PRKG1: variants seen among roughly 807,000 people sequenced by gnomAD.
PRKG1 encodes the protein protein kinase cGMP-dependent 1.
A neutral mutation model predicts 88.1 loss-of-function variants in PRKG1; 35 were observed. The observed-to-expected ratio is 0.40, with a 90% CI of 0.30 to 0.53. The LOEUF (loss-of-function observed/expected upper bound fraction) is 0.53, where lower values mean the gene tolerates loss of function less well. PRKG1 is among the 20% of genes least tolerant of loss of function. PRKG1 has a pLI of 0.59. For missense variants in PRKG1, 540 were observed against 839.8 expected, an observed-to-expected ratio of 0.64 and a Z score of 4.41; for synonymous variants, 303 against 292.5, an observed-to-expected ratio of 1.04 and a Z score of -0.37.
chr10:51,303,972 A>G (rs370442406), intron 2 of PRKG1, among the ~76,000 whole-genome samples: 1 of 151,730 alleles, frequency 6.6e-6, no homozygotes, highest in East Asian at 1.9e-4. Context: ...GGCACCCACC[A>G]CCATGCCCAG....
intron 2 of PRKG1, among the ~76,000 whole-genome samples, chr10:51,441,755 G>A (rs1588961398): frequency 6.6e-6 from 1 of 151,898 alleles, no homozygotes; most frequent in African/African-American, 2.4e-5. Context: ...ATAACCTTGA[G>A]TGTCTATTTC....
chr10:52,156,621 T>A (rs1335325187), intron 8 of PRKG1, among the ~76,000 whole-genome samples: 1 of 151,808 alleles, frequency 6.6e-6, no homozygotes, highest in Admixed American at 6.6e-5. Flanking sequence ...GAAACATATA[T>A]TCACATGATA....
rs1017525707 is a variant in PRKG1, at chr10:51,744,797, C to A, written c.593-59788C>A. Among the ~76,000 whole-genome samples the A allele has an allele frequency of 3.3e-5, 5 of 152,146 alleles. No individual in the cohort carries two copies. In the South Asian group the frequency reaches 6.2e-4, roughly 19 times the overall value. Reference sequence around the variant, plus strand: ...CATGGGTCTTCCAGTTGTCTCCCAGCTGAACATGTTTGGTGGCTAATACAA... The same window carrying A: ...CATGGGTCTTCCAGTTGTCTCCCAGATGAACATGTTTGGTGGCTAATACAA... On this transcript the variant is annotated intron_variant, in intron 3 of 17. Transcript: ENST00000373980.
intron 5 of PRKG1, among the ~76,000 whole-genome samples, chr10:51,995,453 A>T (rs1031074538): frequency 2.0e-5 from 3 of 152,254 alleles, no homozygotes; most frequent in Non-Finnish European, 4.4e-5. Context: ...AAATATTGAC[A>T]TATAAGATAG....
intron 3 of PRKG1, among the ~76,000 whole-genome samples, chr10:51,574,773 T>C (rs923559645): frequency 6.6e-6 from 1 of 151,978 alleles, no homozygotes; most frequent in African/African-American, 2.4e-5. Flanking sequence ...AAACAGACTT[T>C]ATAGCCTTCT....
chr10:51,228,306 G>A (rs1250579069), intron 2 of PRKG1, among the ~76,000 whole-genome samples: 1 of 152,114 alleles, frequency 6.6e-6, no homozygotes, highest in Non-Finnish European at 1.5e-5. Flanking sequence ...TGAGGTTATG[G>A]GGCAAGTGAC....
intron 3 of PRKG1, among the ~76,000 whole-genome samples, chr10:51,612,467 G>T (rs1455504437): frequency 2.0e-5 from 3 of 151,744 alleles, no homozygotes; most frequent in Non-Finnish European, 2.9e-5. Flanking sequence ...ACTGACTTTT[G>T]TATGTTGATT....
At chr10:51,058,858 A>T (rs1355583647) in intron 1 of PRKG1, among the ~76,000 whole-genome samples, 1 of 152,188 alleles carries the variant, frequency 6.6e-6, no homozygotes, top group Non-Finnish European at 1.5e-5. Flanking sequence ...GGGGCACAAG[A>T]TTCATTTACT....
At chr10:51,940,771 C>T (rs1842890415) in intron 5 of PRKG1, among the ~76,000 whole-genome samples, 1 of 152,010 alleles carries the variant, frequency 6.6e-6, no homozygotes, top group African/African-American at 2.4e-5. Flanking sequence ...CTTCTTCTCT[C>T]TCTTTTTTCT....
rs146645175 is a variant in PRKG1 at position 51,322,845 on chromosome 10, G to T, written c.479-144878G>T. On this transcript the variant is annotated intron_variant, in intron 2 of 17. Transcript: ENST00000373980. ...TCAAAAGCTCATGCACACTAAGGTT[G>T]ACTTTTCTTTATAATCTTCCTAACT... 4.6e-3 allele frequency among the ~76,000 whole-genome samples: 703 copies of T among 152,252 alleles called. 3 individuals are homozygous for T. Among genetic ancestry groups the T allele is most frequent in the Middle Eastern group, 0.02 (6 of 294 alleles).
chr10:51,275,510 G>C (rs1288718936), intron 2 of PRKG1, among the ~76,000 whole-genome samples: 1 of 152,154 alleles, frequency 6.6e-6, no homozygotes, highest in East Asian at 1.9e-4. Context: ...GTGCGTTTAA[G>C]GCTGGTAAGT....
intron 7 of PRKG1, among the ~76,000 whole-genome samples, chr10:52,077,309 G>A (rs1175338911): frequency 6.6e-6 from 1 of 152,044 alleles, no homozygotes; most frequent in Non-Finnish European, 1.5e-5. Flanking sequence ...TTTACAATGA[G>A]TGAAATAAGC....
chr10:51,678,283 C>T (rs1840761355), intron 3 of PRKG1, among the ~76,000 whole-genome samples: 1 of 152,150 alleles, frequency 6.6e-6, no homozygotes, highest in Non-Finnish European at 1.5e-5. Flanking sequence ...GGGTAGGCTT[C>T]TGAACAGAAC....
At chr10:51,698,221 C>T in intron 3 of PRKG1, 1 of 1,614,152 alleles carries the variant, frequency 6.2e-7, no homozygotes, top group Non-Finnish European at 8.5e-7. Flanking sequence ...CTCTGGTTTC[C>T]ATCGCACAGG....
intron 2 of PRKG1, among the ~76,000 whole-genome samples, chr10:51,381,634 C>T (rs747388233): frequency 2.0e-5 from 3 of 152,206 alleles, no homozygotes; most frequent in Non-Finnish European, 4.4e-5. Flanking sequence ...AATCAAGCTA[C>T]TCATTGCTTA....
chr10:51,359,122 T>C (rs1344272369), intron 2 of PRKG1, among the ~76,000 whole-genome samples: 1 of 151,932 alleles, frequency 6.6e-6, no homozygotes, highest in Non-Finnish European at 1.5e-5. Context: ...CATGTTTCTT[T>C]TTAAAATGAC....
intron 9 of PRKG1, among the ~76,000 whole-genome samples, chr10:52,219,550 G>C (rs1234087163): frequency 6.6e-6 from 1 of 152,158 alleles, no homozygotes. Flanking sequence ...TTTTTTCTCA[G>C]TGCCTAATAA....
chr10:51,026,063 TG>T (rs1018314135), intron 1 of PRKG1, among the ~76,000 whole-genome samples: 1 of 151,948 alleles, frequency 6.6e-6, no homozygotes, highest in Non-Finnish European at 1.5e-5. Flanking sequence ...AAACAGAGAT[TG>T]GGGTGATGTG....
At chr10:52,123,019 G>A (rs1405739600) in intron 7 of PRKG1, among the ~76,000 whole-genome samples, 1 of 152,024 alleles carries the variant, frequency 6.6e-6, no homozygotes, top group Non-Finnish European at 1.5e-5. Context: ...ATATTAGGTT[G>A]AACCATAGAA....
Sources: allele counts gnomAD v4.1 joint callset (sites outside exome capture counted in the v4.1 genomes callset), GRCh38; gene constraint gnomAD v4.1.1; transcripts MANE v1.5; gene names NCBI Gene and HGNC (gene_info 2026-07-23, HGNC 2026-07-21).